Variants in PARN observed in about 807,000 individuals in gnomAD.
The protein encoded by PARN is poly(A)-specific ribonuclease PARN.
In PARN, 71 loss-of-function variants were observed where a neutral mutation model predicts 102.8. That is an observed-to-expected ratio of 0.69 (90% CI 0.57 to 0.84). PARN has a LOEUF of 0.84. Ranked by LOEUF, PARN falls within the 40% of genes least tolerant of loss-of-function variation. The probability of loss-of-function intolerance (pLI) is 0.00; values close to 1 mark genes in which losing one functional copy is unlikely to be tolerated. For synonymous variants in PARN, 261 were observed against 252.9 expected (o/e 1.03, Z -0.30); for missense variants, 782 against 760.9 (o/e 1.03, Z -0.33).
At chr16:14,497,546 T>C (rs1286825270) in intron 21 of PARN, among the ~76,000 whole-genome samples, 1 of 152,246 alleles carries the variant, frequency 6.6e-6, no homozygotes, top group African/African-American at 2.4e-5. Context: ...CTTGTTGGGC[T>C]GTTTATGAAG....
intron 21 of PARN, among the ~76,000 whole-genome samples, chr16:14,531,354 T>C (rs1189991468): frequency 2.8e-5 from 4 of 145,056 alleles, no homozygotes; most frequent in Non-Finnish European, 4.6e-5. Flanking sequence ...AGCACAAGAC[T>C]CCATCTCAAA....
intron 21 of PARN, among the ~76,000 whole-genome samples, chr16:14,490,187 A>C (rs71374711): frequency 1.2e-4 from 18 of 152,302 alleles, no homozygotes; most frequent in Admixed American, 3.3e-4. Context: ...TAAAAATAAA[A>C]CAAAGAAAGA....
At chr16:14,462,667 GAAGAA>G (rs1262460989) in intron 22 of PARN, among the ~76,000 whole-genome samples, 1 of 150,516 alleles carries the variant, frequency 6.6e-6, no homozygotes, top group Non-Finnish European at 1.5e-5. Flanking sequence ...AGAAGAAGAA[GAAGAA>G]AAGAAAAAAG....
chr16:14,520,689 A>C (rs574641951), intron 21 of PARN, among the ~76,000 whole-genome samples: 54 of 149,964 alleles, frequency 3.6e-4, no homozygotes, highest in African/African-American at 1.3e-3. Flanking sequence ...ATGGGAGTGA[A>C]ACCCTGTCTC....
chr16:14,564,331 C>T (rs908996202), intron 18 of PARN, among the ~76,000 whole-genome samples: 4 of 152,150 alleles, frequency 2.6e-5, no homozygotes, highest in African/African-American at 7.2e-5. Flanking sequence ...CACGTGATGG[C>T]GTGGAGCCCT....
chr16:14,555,773 T>C, intron 18 of PARN, 64 bp from the exon 19 acceptor site: 1 of 820,426 alleles, frequency 1.2e-6, no homozygotes, highest in Non-Finnish European at 1.8e-6. Context: ...ATTTTGCATT[T>C]TTAAGGTTGA....
intron 13 of PARN, among the ~76,000 whole-genome samples, 173 bp downstream of exon 13, chr16:14,593,128 T>C (rs1318516609): frequency 6.6e-6 from 1 of 151,462 alleles, no homozygotes; most frequent in East Asian, 1.9e-4. Flanking sequence ...TGAGAATACA[T>C]CTCAAGGAAA....
chr16:14,590,975 C>T (rs1350984000), intron 13 of PARN, among the ~76,000 whole-genome samples: 5 of 152,132 alleles, frequency 3.3e-5, no homozygotes, highest in Non-Finnish European at 7.4e-5. Flanking sequence ...TTTAGCTGGG[C>T]GTGGTAGTGC....
intron 21 of PARN, among the ~76,000 whole-genome samples, chr16:14,495,746 T>C (rs1431197709): frequency 6.6e-6 from 1 of 152,046 alleles, no homozygotes; most frequent in African/African-American, 2.4e-5. Flanking sequence ...TGGGTGGGCA[T>C]GGATAAAATG....
In PARN at chr16:14,466,920, A is replaced by T. The variant is rs148298645; in HGVS notation, c.1670+15718T>A. ...GAAGAAAAGAAAATCCCCTAATGGCATCTGGGCAGGGTCAAATTTGGAAGT... is the reference window on the plus strand; with the variant it reads ...GAAGAAAAGAAAATCCCCTAATGGCTTCTGGGCAGGGTCAAATTTGGAAGT... On this transcript the variant is annotated intron_variant, in intron 22 of 23. Transcript: ENST00000437198. Among the ~76,000 whole-genome samples the T allele has an allele frequency of 9.2e-5, 14 of 152,260 alleles. No individual in the cohort carries two copies. In the East Asian group the frequency reaches 2.7e-3, roughly 29 times the overall value.
At chr16:14,515,288 T>A (rs147790039) in intron 21 of PARN, among the ~76,000 whole-genome samples, 1 of 152,204 alleles carries the variant, frequency 6.6e-6, no homozygotes, top group Non-Finnish European at 1.5e-5. Context: ...TAACTTTTTT[T>A]AAACAGATGT....
At chr16:14,608,015 C>T in intron 9 of PARN, 2 of 450,992 alleles carry the variant, frequency 4.4e-6, no homozygotes, top group East Asian at 4.1e-5. Context: ...TATTGTATAC[C>T]CCAAAGGACA....
chr16:14,524,018 C>T (rs963779351), intron 21 of PARN, among the ~76,000 whole-genome samples: 8 of 151,998 alleles, frequency 5.3e-5, no homozygotes, highest in African/African-American at 1.9e-4. Context: ...ATTTGTTTAC[C>T]TAAACACAGA....
intron 22 of PARN, among the ~76,000 whole-genome samples, chr16:14,474,414 A>T (rs1198657802): frequency 6.6e-6 from 1 of 152,210 alleles, no homozygotes; most frequent in African/African-American, 2.4e-5. Context: ...AAATTCCACT[A>T]TAAGGATTTT....
At chr16:14,553,192 A>G (rs1166699605) in intron 20 of PARN, among the ~76,000 whole-genome samples, 3 of 145,598 alleles carry the variant, frequency 2.1e-5, no homozygotes, top group African/African-American at 7.6e-5. Flanking sequence ...CCGAGGCGGG[A>G]GGATCACTTG....
At chr16:14,616,732 G>A (rs2151806777) in intron 6 of PARN, among the ~76,000 whole-genome samples, 1 of 151,914 alleles carries the variant, frequency 6.6e-6, no homozygotes. Flanking sequence ...GACAGAGTGG[G>A]ACCCTGTCTC....
At position 14,610,693 on chromosome 16, in the gene PARN, A is replaced by G. The variant is rs1765538912; in HGVS notation, c.505T>C (p.Cys169Arg). 3 of 1,611,118 alleles carry G rather than the reference A, an allele frequency of 1.9e-6. No individual in the cohort carries two copies. The highest frequency in any genetic ancestry group is 1.3e-5 in the African/African-American group (1 of 74,872). ...TGATCCTCAGGAATCGTGACAGGAC[A>G]TTTTGAAGTGTTAGGAGATACATAG... Reference protein sequence around the residue: ...LSYVSPNTSKCPVTIPEDQKK... With the variant: ...LSYVSPNTSKRPVTIPEDQKK... The change falls in exon 7 of 24, where the codon TGT becomes CGT. Residue 169 changes from cysteine to arginine, a missense_variant. Coordinates refer to ENST00000437198, the MANE Select transcript of PARN (RefSeq NM_002582.4).
intron 16 of PARN, 78 bp downstream of exon 16, chr16:14,584,269 C>T (rs1310068670): frequency 2.0e-6 from 2 of 990,528 alleles, no homozygotes; most frequent in African/African-American, 1.6e-5. Context: ...GTCTCCAGAG[C>T]CATTCTGCTT....
chr16:14,581,591 G>A (rs1969537202), intron 17 of PARN, among the ~76,000 whole-genome samples: 1 of 152,060 alleles, frequency 6.6e-6, no homozygotes, highest in Non-Finnish European at 1.5e-5. Flanking sequence ...CCTTTGGGAG[G>A]TAATTAAGTC....
Sources: gnomAD v4.1 joint callset for allele counts (sites outside exome capture counted in the v4.1 genomes callset) on GRCh38, gnomAD v4.1.1 for gene constraint, MANE v1.5 for transcripts, NCBI Gene and HGNC (gene_info 2026-07-23, HGNC 2026-07-21) for gene names.